SMCHD1: variants seen among roughly 807,000 people sequenced by gnomAD.
The protein encoded by SMCHD1 is structural maintenance of chromosomes flexible hinge domain containing 1.
SMCHD1 carries 78 observed loss-of-function variants against 254.7 expected under a neutral mutation model. That is an observed-to-expected ratio of 0.31 (90% CI 0.26 to 0.37). The LOEUF (loss-of-function observed/expected upper bound fraction) is 0.37, where lower values mean the gene tolerates loss of function less well. Among genes scored for constraint, SMCHD1 ranks in the 10% least tolerant of loss-of-function variants. The pLI is 1.00. For synonymous variants in SMCHD1, 766 were observed against 794.9 expected (o/e 0.96, Z 0.61); for missense variants, 1,840 against 2,408.1 (o/e 0.76, Z 4.94).
chr18:2,718,134 T>C lies in SMCHD1; in HGVS notation c.2261-24T>C, dbSNP rs749276549. ...TTACGTTGAATTTCTCAAGACACTATTGTTTCTTTTTTCTTTTATTAAGCT... is the reference window on the plus strand; with the variant it reads ...TTACGTTGAATTTCTCAAGACACTACTGTTTCTTTTTTCTTTTATTAAGCT... On this transcript the variant is annotated intron_variant, in intron 17 of 47. Coordinates refer to ENST00000320876, the MANE Select transcript of SMCHD1 (RefSeq NM_015295.3). The surrounding 1 kb of genome is among the most constrained non-coding windows in gnomAD (Gnocchi z 4.6). 6.4e-7 allele frequency: 1 copy of C among 1,551,412 alleles called. No individual in the cohort carries two copies. The highest frequency in any genetic ancestry group is 8.8e-7 in the Non-Finnish European group (1 of 1,131,484).
chr18:2,740,942 TAA>T, intron 28 of SMCHD1, 121 bp downstream of exon 28: 2 of 573,410 alleles, frequency 3.5e-6, no homozygotes, highest in Non-Finnish European at 6.1e-6. Flanking sequence ...TGAAAAGTCA[TAA>T]AAGGCATTTT....
intron 45 of SMCHD1, among the ~76,000 whole-genome samples, chr18:2,793,879 T>C (rs533056059): frequency 2.6e-5 from 4 of 152,184 alleles, no homozygotes; most frequent in East Asian, 1.9e-4. Flanking sequence ...ATTGGGTAGA[T>C]TTCTTTTTAA....
chr18:2,797,207 G>T (rs12960488), intron 47 of SMCHD1, among the ~76,000 whole-genome samples: 13,876 of 151,920 alleles, frequency 0.091, 1,040 homozygotes, highest in East Asian at 0.43. Context: ...TATAATTTTT[G>T]GTTTGGAGAA....
At chr18:2,784,740 G>A (rs1568384320) in intron 45 of SMCHD1, 119 bp downstream of exon 45, 5 of 1,150,492 alleles carry the variant, frequency 4.3e-6, no homozygotes, top group Non-Finnish European at 5.0e-6. Flanking sequence ...AGTAACAAAT[G>A]TAAGTAAGAT....
intron 17 of SMCHD1, among the ~76,000 whole-genome samples, chr18:2,708,620 T>C (rs1364908897): frequency 3.1e-5 from 3 of 95,954 alleles, no homozygotes; most frequent in Non-Finnish European, 5.0e-5. Flanking sequence ...CTTCCTGCTT[T>C]TTTTTTTTTT....
rs1555660641 is a variant in SMCHD1, at chr18:2,803,198, G to GTATATATATATATATATATATAAATATA, written c.*666_*667insTAAATATATATATATATATATATATATA. 1 of 136,518 alleles carries GTATATATATATATATATATATAAATATA rather than the reference G, an allele frequency of 7.3e-6. No homozygotes were observed. Among genetic ancestry groups the GTATATATATATATATATATATAAATATA allele is most frequent in the Non-Finnish European group, 1.6e-5 (1 of 63,724 alleles). The allele number at this position is 136,518 out of a possible 1,614,324, so 8.5% of individuals were successfully genotyped here. A position where few individuals can be genotyped will look rare whatever the true frequency, so the allele number is the denominator to read the frequency against. ...ACTTATCCTGTGTGTGTGTGTGTGTGTATATATATATATATATATAAATAT... is the reference window on the plus strand; with the variant it reads ...ACTTATCCTGTGTGTGTGTGTGTGTGTATATATATATATATATATATAAATATATATATATATATATATATATAAATAT... On this transcript the variant is annotated 3_prime_UTR_variant, in exon 48 of 48. Coordinates refer to ENST00000320876, the MANE Select transcript of SMCHD1 (RefSeq NM_015295.3).
At chr18:2,713,197 A>T (rs1355097335) in intron 17 of SMCHD1, among the ~76,000 whole-genome samples, 1 of 151,728 alleles carries the variant, frequency 6.6e-6, no homozygotes, top group African/African-American at 2.4e-5. Flanking sequence ...AAGATTAAAA[A>T]CTCCAGGAAA....
chr18:2,786,702 AAAAG>A (rs773812213), intron 45 of SMCHD1, among the ~76,000 whole-genome samples: 12 of 152,146 alleles, frequency 7.9e-5, no homozygotes, highest in Admixed American at 6.6e-4. Flanking sequence ...AAAAAAAAGA[AAAAG>A]AAACACCAGT....
intron 29 of SMCHD1, among the ~76,000 whole-genome samples, chr18:2,744,219 C>G (rs1185432665): frequency 6.6e-6 from 1 of 152,128 alleles, no homozygotes; most frequent in East Asian, 1.9e-4. Flanking sequence ...GTAGCAAACT[C>G]CCATGTGCCA....
intron 17 of SMCHD1, among the ~76,000 whole-genome samples, chr18:2,713,176 C>G (rs943131235): frequency 6.6e-6 from 1 of 152,140 alleles, no homozygotes; most frequent in African/African-American, 2.4e-5. Flanking sequence ...TTGCCAGTCC[C>G]CTTGTTCTAC....
intron 44 of SMCHD1, among the ~76,000 whole-genome samples, chr18:2,781,384 T>G (rs1430446129): frequency 6.6e-6 from 1 of 152,244 alleles, no homozygotes; most frequent in Non-Finnish European, 1.5e-5. Context: ...CTGAAAACCT[T>G]CACGGTAAAC....
chr18:2,728,294 T>G, intron 22 of SMCHD1, 163 bp from the exon 23 acceptor site: 1 of 644,532 alleles, frequency 1.6e-6, no homozygotes, highest in Non-Finnish European at 2.6e-6. Context: ...AATCTGTGCA[T>G]TTTGGGATGA....
chr18:2,754,278 A>G lies in SMCHD1; in HGVS notation c.4346+1726A>G, dbSNP rs781145220. On this transcript the variant is annotated intron_variant, in intron 34 of 47. Transcript: ENST00000320876. ...TATATTATTGTGTTGGGGGTTCCCA[A>G]TACCAATGCCAGGTTTGATGATTCA... Among the ~76,000 whole-genome samples the G allele has an allele frequency of 5.0e-4, 76 of 152,340 alleles. 1 individual carries two copies. In the Middle Eastern group the frequency reaches 0.014, roughly 27 times the overall value.
intron 22 of SMCHD1, among the ~76,000 whole-genome samples, chr18:2,727,966 AT>A (rs779842857): frequency 6.6e-6 from 1 of 152,064 alleles, no homozygotes; most frequent in Non-Finnish European, 1.5e-5. Flanking sequence ...CTTAAAGGAA[AT>A]TTGTGATGTT....
At chr18:2,680,309 C>T (rs750948320) in intron 5 of SMCHD1, among the ~76,000 whole-genome samples, 10 of 55,464 alleles carry the variant, frequency 1.8e-4, no homozygotes, top group Non-Finnish European at 3.2e-4. Context: ...TGATGCCACC[C>T]CCTTCCCCAA....
intron 5 of SMCHD1, among the ~76,000 whole-genome samples, chr18:2,685,210 C>T (rs1183548803): frequency 7.5e-5 from 11 of 146,588 alleles, no homozygotes; most frequent in Admixed American, 2.2e-4. Flanking sequence ...CGCCATTCTC[C>T]GGCCTCAGCC....
chr18:2,657,775 C>T (rs1186115555), intron 1 of SMCHD1, among the ~76,000 whole-genome samples: 1 of 152,130 alleles, frequency 6.6e-6, no homozygotes, highest in Non-Finnish European at 1.5e-5. Flanking sequence ...CCACTATTTA[C>T]ATAACCGAAT....
intron 15 of SMCHD1, chr18:2,706,701 C>G (rs2074522868): frequency 2.7e-6 from 1 of 376,188 alleles, no homozygotes; most frequent in Non-Finnish European, 4.9e-6. Flanking sequence ...TAAAGTGTCA[C>G]TTTTATAGGC....
At chr18:2,660,998 A>G (rs1407703416) in intron 1 of SMCHD1, among the ~76,000 whole-genome samples, 1 of 152,228 alleles carries the variant, frequency 6.6e-6, no homozygotes, top group South Asian at 2.1e-4. Context: ...CTATGCAGCC[A>G]TAAAAAAGAA....
Sources: allele counts gnomAD v4.1 joint callset (sites outside exome capture counted in the v4.1 genomes callset), GRCh38; gene constraint gnomAD v4.1.1; non-coding constraint Gnocchi (gnomAD v3.1); transcripts MANE v1.5; gene names NCBI Gene and HGNC (gene_info 2026-07-23, HGNC 2026-07-21).